Variants in GALNT13 observed in about 807,000 individuals in gnomAD.
The protein encoded by GALNT13 is polypeptide N-acetylgalactosaminyltransferase 13, also known as UDP-GalNAc:polypeptide N-acetylgalactosaminyltransferase 13.
A neutral mutation model predicts 64.2 loss-of-function variants in GALNT13; 28 were observed. The observed-to-expected ratio is 0.44, with a 90% CI of 0.32 to 0.60. The LOEUF is 0.60. Ranked by LOEUF, GALNT13 falls within the 20% of genes least tolerant of loss-of-function variation. The pLI is 0.05. For missense variants in GALNT13, 577 were observed against 669.8 expected (o/e 0.86, Z 1.53); for synonymous variants, 214 against 224.6 (o/e 0.95, Z 0.42).
intron 3 of GALNT13, among the ~76,000 whole-genome samples, chr2:153,973,855 C>G (rs13417390): frequency 0.2 from 31,086 of 151,814 alleles, 4,116 homozygotes; most frequent in Middle Eastern, 0.33. Flanking sequence ...TACAGATGAT[C>G]TTGTCTTACC....
chr2:153,197,769 C>T, the GALNT13 span, among the ~76,000 whole-genome samples: 692 of 152,316 alleles, frequency 4.5e-3, 4 homozygotes, highest in African/African-American at 0.015. Flanking sequence ...AGCCACCCCA[C>T]GAAGGTGGGT....
chr2:153,821,852 A>G, the GALNT13 span, among the ~76,000 whole-genome samples: 1 of 152,334 alleles, frequency 6.6e-6, no homozygotes, highest in East Asian at 1.9e-4. Flanking sequence ...TAACCATGAA[A>G]AAGAGAGAGA....
the GALNT13 span, among the ~76,000 whole-genome samples, chr2:153,832,530 G>A: frequency 6.6e-6 from 1 of 152,066 alleles, no homozygotes; most frequent in Non-Finnish European, 1.5e-5. Context: ...AAAGTTAGTA[G>A]TTTTAGTTAC....
the GALNT13 span, among the ~76,000 whole-genome samples, chr2:153,447,204 C>T: frequency 6.6e-6 from 1 of 152,144 alleles, no homozygotes; most frequent in Non-Finnish European, 1.5e-5. Context: ...TGATGCTTGG[C>T]ACATAACAGG....
chr2:153,195,666 C>G, the GALNT13 span, among the ~76,000 whole-genome samples: 1 of 152,248 alleles, frequency 6.6e-6, no homozygotes, highest in African/African-American at 2.4e-5. Flanking sequence ...CTCTTCTCTC[C>G]TTCTTGTCAC....
At chr2:153,096,873 A>T in the GALNT13 span, among the ~76,000 whole-genome samples, 5 of 152,128 alleles carry the variant, frequency 3.3e-5, no homozygotes, top group East Asian at 9.6e-4. Context: ...CAATGTTATT[A>T]TTGACAAGTA....
chr2:153,438,945 G>T, the GALNT13 span, among the ~76,000 whole-genome samples: 3 of 152,080 alleles, frequency 2.0e-5, no homozygotes, highest in Non-Finnish European at 4.4e-5. Flanking sequence ...CCCCATCTTT[G>T]TGGTTTTATC....
At chr2:154,167,045 G>A (rs942386001) in intron 4 of GALNT13, among the ~76,000 whole-genome samples, 1 of 152,040 alleles carries the variant, frequency 6.6e-6, no homozygotes, top group Non-Finnish European at 1.5e-5. Context: ...GTTAATGGGT[G>A]CAGCACACCA....
At chr2:153,419,219 C>T in the GALNT13 span, among the ~76,000 whole-genome samples, 9 of 151,994 alleles carry the variant, frequency 5.9e-5, no homozygotes, top group Non-Finnish European at 8.8e-5. Context: ...CAACAAGTGC[C>T]GAGCAAAAGG....
At chr2:154,035,592 TAC>T (rs1698613506) in intron 3 of GALNT13, among the ~76,000 whole-genome samples, 2 of 152,072 alleles carry the variant, frequency 1.3e-5, no homozygotes, top group South Asian at 4.1e-4. Context: ...AATTTTTAAA[TAC>T]ACTTAAACAG....
At chr2:154,122,527 G>A (rs1682010376) in intron 3 of GALNT13, among the ~76,000 whole-genome samples, 1 of 151,938 alleles carries the variant, frequency 6.6e-6, no homozygotes, top group South Asian at 2.1e-4. Context: ...CTATTTGGTA[G>A]AATTCACCAA....
chr2:153,149,995 A>G, the GALNT13 span, among the ~76,000 whole-genome samples: 2 of 151,766 alleles, frequency 1.3e-5, no homozygotes, highest in Non-Finnish European at 2.9e-5. Context: ...CTGCCTGCTC[A>G]TCTAATTTAT....
At chr2:154,231,459 A>G (rs1688910821) in intron 4 of GALNT13, among the ~76,000 whole-genome samples, 1 of 151,764 alleles carries the variant, frequency 6.6e-6, no homozygotes, top group Non-Finnish European at 1.5e-5. Flanking sequence ...TTTTGTTTTT[A>G]TTTTGGGTTG....
intron 4 of GALNT13, among the ~76,000 whole-genome samples, chr2:154,180,567 G>T (rs1221596007): frequency 6.6e-6 from 1 of 151,834 alleles, no homozygotes; most frequent in African/African-American, 2.4e-5. Flanking sequence ...ATGCATTTTG[G>T]AAACTTTTTT....
chr2:154,403,280 G>A (rs147033706), intron 10 of GALNT13, among the ~76,000 whole-genome samples: 1,563 of 151,992 alleles, frequency 0.01, 9 homozygotes, highest in Admixed American at 0.019. Context: ...TGGTAAAACC[G>A]CATTTCTATT....
the GALNT13 span, among the ~76,000 whole-genome samples, chr2:153,563,997 G>C: frequency 6.6e-6 from 1 of 152,006 alleles, no homozygotes; most frequent in Non-Finnish European, 1.5e-5. Context: ...TTTCGTGTGT[G>C]AATTTGGTGG....
the GALNT13 span, among the ~76,000 whole-genome samples, chr2:153,118,933 G>A: frequency 6.6e-6 from 1 of 152,166 alleles, no homozygotes; most frequent in African/African-American, 2.4e-5. Flanking sequence ...GTTGTGGGAG[G>A]AACCTGGTGG....
At chr2:153,364,625 CTCAT>C in the GALNT13 span, among the ~76,000 whole-genome samples, 1 of 152,094 alleles carries the variant, frequency 6.6e-6, no homozygotes, top group Non-Finnish European at 1.5e-5. Flanking sequence ...TGAATGGACT[CTCAT>C]TCACAATTGT....
the GALNT13 span, among the ~76,000 whole-genome samples, chr2:153,649,231 G>T: frequency 6.6e-6 from 1 of 152,168 alleles, no homozygotes; most frequent in Non-Finnish European, 1.5e-5. Flanking sequence ...ATTTCTTCTA[G>T]ATTTTCTAGT....
Sources: gnomAD v4.1 joint callset for allele counts (sites outside exome capture counted in the v4.1 genomes callset) on GRCh38, gnomAD v4.1.1 for gene constraint, MANE v1.5 for transcripts, NCBI Gene and HGNC (gene_info 2026-07-23, HGNC 2026-07-21) for gene names.